Variants in ARSD observed in about 807,000 individuals in gnomAD.
The protein encoded by ARSD is testis tissue sperm-binding protein Li 39a.
ARSD carries 21 observed loss-of-function variants against 32.6 expected under a neutral mutation model. The observed-to-expected ratio is 0.64, with a 90% CI of 0.46 to 0.93. The LOEUF (loss-of-function observed/expected upper bound fraction) is 0.93. Among genes scored for constraint, ARSD ranks in the 40% least tolerant of loss-of-function variants. The probability of loss-of-function intolerance (pLI) is 0.00; values close to 1 mark genes in which losing one functional copy is unlikely to be tolerated. For missense variants in ARSD, 454 were observed against 520.9 expected (o/e 0.87, Z 1.25); for synonymous variants, 224 against 237.4 (o/e 0.94, Z 0.52).
chrX:2,925,441 C>T (rs1420560103), intron 2 of ARSD, among the ~76,000 whole-genome samples, 175 bp downstream of exon 2: 1 of 112,722 alleles, frequency 8.9e-6, no homozygotes, highest in Non-Finnish European at 1.9e-5. Flanking sequence ...GGTAGTAATA[C>T]ATTCACCCCC....
At chrX:2,919,504 T>C (rs2147323361) in intron 4 of ARSD, among the ~76,000 whole-genome samples, 1 of 110,538 alleles carries the variant, frequency 9.0e-6, no homozygotes, top group African/African-American at 3.3e-5. Context: ...TTCCTCTCCG[T>C]GCAGAAAGGA....
At chrX:2,911,643 C>T in intron 6 of ARSD, among the ~76,000 whole-genome samples, 1 of 95,252 alleles carries the variant, frequency 1.0e-5, no homozygotes, top group Non-Finnish European at 2.0e-5. Context: ...GCACTCCAGC[C>T]TGGGCGACAG....
At position 2,914,627 on chromosome X, in the gene ARSD, A is replaced by G. The variant is rs139484145; in HGVS notation, c.1000+929T>C. ...AGATTCTGCAAGAATTTTAATGTCT[A>G]TGCTCTTTTAAGAATCTGCAGCCTC... On this transcript the variant is annotated intron_variant, in intron 6 of 9. Transcript: ENST00000381154. The G allele has an allele frequency of 1.7e-5, 17 of 1,025,691 alleles. No individual in the cohort carries two copies. In the East Asian group the frequency reaches 1.0e-3, roughly 63 times the overall value. The allele number at this position is 1,025,691 out of a possible 1,213,427, so 84.5% of individuals were successfully genotyped here.
At chrX:2,907,671 C>T in intron 9 of ARSD, 39 bp from the exon 10 acceptor site, 2 of 1,094,094 alleles carry the variant, frequency 1.8e-6, no homozygotes, top group Non-Finnish European at 2.4e-6. Context: ...TGGCAGAAAT[C>T]CACGCAGGTG....
chrX:2,928,859 G>A lies in ARSD; in HGVS notation c.44+373C>T, dbSNP rs940233196. On this transcript the variant is annotated intron_variant, in intron 1 of 9. Coordinates refer to ENST00000381154, the MANE Select transcript of ARSD (RefSeq NM_001669.4). ...GGCAGCGGTGTAGCTGGGCGTGGAA[G>A]GCGGAGGACCCAGCAGGGCGTGACC... 5.3e-5 allele frequency among the ~76,000 whole-genome samples: 6 copies of A among 112,154 alleles called. No individual in the cohort carries two copies. In the Admixed American group the frequency reaches 5.6e-4, roughly 10 times the overall value.
rs376545702 is a variant in ARSD, at chrX:2,910,064, G to A, written c.1136-85C>T. The A allele has an allele frequency of 1.1e-4, 125 of 1,118,040 alleles. No homozygotes were observed. The East Asian group carries it at 3.7e-3, about 33-fold the overall frequency. The allele number at this position is 1,118,040 out of a possible 1,213,427, so 92.1% of individuals were successfully genotyped here. ...TGGATGTATTTGTGCATAGGTATGT[G>A]AATACGCACAGCCACCCGGATGCAC... is the stretch of plus-strand genomic sequence containing the variant. On this transcript the variant is annotated intron_variant, in intron 7 of 9. Transcript: ENST00000381154.
At chrX:2,910,263 A>C (rs1362819457) in intron 7 of ARSD, among the ~76,000 whole-genome samples, 1 of 110,652 alleles carries the variant, frequency 9.0e-6, no homozygotes, top group Non-Finnish European at 1.9e-5. Context: ...ATATTCATTA[A>C]ATTTAATAAT....
Position 2,917,799 on chromosome X carries a change from C to T in ARSD, c.863+5G>A. The T allele has an allele frequency of 8.3e-7, 1 of 1,201,537 alleles. No homozygotes were observed. Among genetic ancestry groups the T allele is most frequent in the South Asian group, 1.8e-5 (1 of 55,766 alleles). On this transcript the variant is annotated splice_donor_5th_base_variant and intron_variant, in intron 5 of 9. Transcript: ENST00000381154. ...TCTCCTCTTTAAGATGCGATGGTTG[C>T]TTACCTTTCAATATAGGAAACAGCT...
chrX:2,926,207 C>T (rs781141646), intron 1 of ARSD, among the ~76,000 whole-genome samples: 1 of 111,690 alleles, frequency 9.0e-6, no homozygotes. Flanking sequence ...TCTGGAGCCT[C>T]GGTGAATTGA....
Position 2,929,280 on chromosome X carries a change from G to A in ARSD, c.-5C>T, listed in dbSNP as rs1198676765. 4 of 1,007,425 alleles carry A rather than the reference G, an allele frequency of 4.0e-6. No homozygotes were observed. Among genetic ancestry groups the A allele is most frequent in the Non-Finnish European group, 5.0e-6 (4 of 801,401 alleles). 83.0% of individuals were successfully genotyped at this position (1,007,425 alleles called of 1,213,427 possible). ...CCTCCGCGCGGCGGATCGCATGGCC[G>A]AGCGCTGGCCCAGAGCGCAGGACCT... is the stretch of plus-strand genomic sequence containing the variant. On this transcript the variant is annotated 5_prime_UTR_variant, in exon 1 of 10. Transcript: ENST00000381154.
chrX:2,915,716 G>A, intron 5 of ARSD, 24 bp from the exon 6 acceptor site: 2 of 1,193,178 alleles, frequency 1.7e-6, no homozygotes, highest in Non-Finnish European at 2.3e-6. Context: ...ACTTCCTTGA[G>A]AATACACAGA....
intron 6 of ARSD, among the ~76,000 whole-genome samples, chrX:2,911,016 G>A (rs1315475319): frequency 8.9e-6 from 1 of 111,863 alleles, no homozygotes; most frequent in Non-Finnish European, 1.9e-5. Context: ...AATAAAATTC[G>A]AAGCCCCCCA....
At chrX:2,916,353 C>A (rs2088960320) in intron 5 of ARSD, among the ~76,000 whole-genome samples, 1 of 108,676 alleles carries the variant, frequency 9.2e-6, no homozygotes, top group Admixed American at 1.0e-4. Flanking sequence ...AAAAAATTAA[C>A]AGGGTGGGGT....
At position 2,925,677 on chromosome X, in the gene ARSD, G is replaced by A; in HGVS notation, c.133C>T (p.Leu45=). 8.3e-7 allele frequency: 1 copy of A among 1,210,408 alleles called. No individual in the cohort carries two copies. Among genetic ancestry groups the A allele is most frequent in the Non-Finnish European group, 1.1e-6 (1 of 894,563 alleles). The change falls in exon 2 of 10, where the codon CTG becomes TTG. Residue 45 remains leucine (L), a synonymous_variant. Coordinates refer to ENST00000381154, the MANE Select transcript of ARSD (RefSeq NM_001669.4). ...GTGCCTAGATCATCCGCCATGATCA[G>A]TAGGATATTTGGTTTAAAGGCATTT... The part of the protein sequence containing the change: ...TANAFKPNIL[L]IMADDLGTGD...
At chrX:2,929,135 C>T in intron 1 of ARSD, 97 bp downstream of exon 1, 1 of 851,435 alleles carries the variant, frequency 1.2e-6, no homozygotes, top group Non-Finnish European at 1.5e-6. Context: ...TACAGGGGCC[C>T]AGGCTCGCCC....
At chrX:2,912,309 TAACTC>T (rs772206911) in intron 6 of ARSD, among the ~76,000 whole-genome samples, 2 of 111,538 alleles carry the variant, frequency 1.8e-5, no homozygotes, top group Non-Finnish European at 3.8e-5. Flanking sequence ...TCTCAGATAA[TAACTC>T]AACCACCTGC....
intron 1 of ARSD, among the ~76,000 whole-genome samples, chrX:2,926,709 G>C (rs2089085685): frequency 8.9e-6 from 1 of 112,613 alleles, no homozygotes; most frequent in African/African-American, 3.2e-5. Flanking sequence ...AGAAGAAGAT[G>C]TGTAGTTCAT....
intron 4 of ARSD, among the ~76,000 whole-genome samples, chrX:2,918,586 TAA>T (rs998908773): frequency 9.1e-6 from 1 of 109,531 alleles, no homozygotes; most frequent in Non-Finnish European, 1.9e-5. Flanking sequence ...CCGTCCCTAC[TAA>T]AAAAATACAA....
intron 4 of ARSD, chrX:2,920,354 G>A (rs1410781492): frequency 1.7e-5 from 6 of 360,739 alleles, no homozygotes; most frequent in Non-Finnish European, 2.9e-5. Context: ...TTCCTTTGCA[G>A]GAAAACGGGA....
Sources: gnomAD v4.1 joint callset for allele counts (sites outside exome capture counted in the v4.1 genomes callset) on GRCh38, gnomAD v4.1.1 for gene constraint, MANE v1.5 for transcripts, NCBI Gene and HGNC (gene_info 2026-07-23, HGNC 2026-07-21) for gene names.